The following RALGPS2 variants were observed in gnomAD, a reference collection of about 807,000 sequenced individuals.
RALGPS2 encodes the protein Ral GEF with PH domain and SH3 binding motif 2, also known as ras-specific guanine nucleotide-releasing factor RalGPS2.
In RALGPS2, 43 loss-of-function variants were observed where a neutral mutation model predicts 86.8. The observed-to-expected ratio is 0.50, with a 90% CI of 0.39 to 0.64. The LOEUF is 0.64. Among genes scored for constraint, RALGPS2 ranks in the 30% least tolerant of loss-of-function variants. RALGPS2 has a pLI of 0.00. For synonymous variants in RALGPS2, 243 were observed against 231.3 expected (o/e 1.05, Z -0.46); for missense variants, 536 against 694.6 (o/e 0.77, Z 2.57).
chr1:178,810,015 G>A (rs1235658240), intron 5 of RALGPS2, among the ~76,000 whole-genome samples: 1 of 151,972 alleles, frequency 6.6e-6, no homozygotes, highest in Admixed American at 6.6e-5. Flanking sequence ...GGGCGGCTGA[G>A]ACAGGAGGAT....
intron 1 of RALGPS2, among the ~76,000 whole-genome samples, chr1:178,766,488 C>T (rs1443258380): frequency 1.3e-5 from 2 of 151,984 alleles, no homozygotes. Context: ...CTCAGCCTCT[C>T]AAAGTGCTGG....
intron 4 of RALGPS2, among the ~76,000 whole-genome samples, chr1:178,805,167 T>C (rs1654681564): frequency 6.7e-6 from 1 of 150,174 alleles, no homozygotes; most frequent in Admixed American, 6.6e-5. Flanking sequence ...CATTGTAGAT[T>C]CTGGATATTA....
intron 16 of RALGPS2, 53 bp downstream of exon 16, chr1:178,894,077 A>G (rs1435005502): frequency 2.8e-6 from 3 of 1,066,062 alleles, no homozygotes; most frequent in Non-Finnish European, 2.8e-6. Context: ...ATGCAAATTT[A>G]TAAGACTCTG....
At chr1:178,839,128 C>T (rs1373185272) in intron 8 of RALGPS2, among the ~76,000 whole-genome samples, 2 of 152,168 alleles carry the variant, frequency 1.3e-5, no homozygotes, top group African/African-American at 4.8e-5. Flanking sequence ...CCTAGCAAGG[C>T]AGGCCAACAT....
chr1:178,876,301 A>G (rs1659002398), intron 8 of RALGPS2, among the ~76,000 whole-genome samples: 1 of 152,244 alleles, frequency 6.6e-6, no homozygotes. Flanking sequence ...ATTTTTTAAT[A>G]GAATATAAGT....
chr1:178,898,202 C>G (rs1660026868), intron 17 of RALGPS2, among the ~76,000 whole-genome samples: 1 of 152,010 alleles, frequency 6.6e-6, no homozygotes, highest in South Asian at 2.1e-4. Context: ...TCTTTTCACC[C>G]TGTAGAATTT....
intron 8 of RALGPS2, among the ~76,000 whole-genome samples, chr1:178,856,234 T>TATACAC (rs1368301659): frequency 3.1e-5 from 4 of 128,770 alleles, no homozygotes; most frequent in African/African-American, 1.3e-4. Flanking sequence ...TATATATATA[T>TATACAC]GGTTTTGGGT....
chr1:178,857,585 A>G (rs764539499), intron 8 of RALGPS2, among the ~76,000 whole-genome samples: 1 of 152,214 alleles, frequency 6.6e-6, no homozygotes, highest in Non-Finnish European at 1.5e-5. Flanking sequence ...ACCTATTAGT[A>G]TTATAGTTAA....
intron 8 of RALGPS2, chr1:178,849,748 AT>A (rs1362497217): frequency 6.6e-6 from 1 of 152,198 alleles, no homozygotes; most frequent in East Asian, 1.9e-4. Context: ...CAGAAGTTTT[AT>A]TTTGAGATGT....
At chr1:178,786,348 C>T (rs575437398) in intron 4 of RALGPS2, among the ~76,000 whole-genome samples, 7 of 152,020 alleles carry the variant, frequency 4.6e-5, no homozygotes, top group Non-Finnish European at 1.0e-4. Flanking sequence ...CTGGGTTTCA[C>T]CACTAACTCT....
In RALGPS2 at chr1:178,759,219, C is replaced by A. The variant is rs112181097; in HGVS notation, c.-83-17463C>A. Among the ~76,000 whole-genome samples the A allele has an allele frequency of 4.9e-3, 751 of 152,244 alleles. 7 individuals carry two copies. The highest frequency in any genetic ancestry group is 0.016 in the African/African-American group (682 of 41,556). On this transcript the variant is annotated intron_variant, in intron 1 of 19. Transcript: ENST00000367635. ...ATTGTTTCAGGTCTTCGATTTAAGT[C>A]TGTAATCCATTTTGGTTTGATTTTT...
intron 4 of RALGPS2, among the ~76,000 whole-genome samples, chr1:178,788,851 T>C (rs896186270): frequency 1.3e-4 from 8 of 63,374 alleles, no homozygotes; most frequent in African/African-American, 5.0e-4. Context: ...CTTTCTTTTC[T>C]TTTCTTTTCT....
At chr1:178,747,901 C>T (rs1265865991) in intron 1 of RALGPS2, 2 of 541,420 alleles carry the variant, frequency 3.7e-6, no homozygotes, top group Admixed American at 3.1e-5. Flanking sequence ...ACTAGCACTA[C>T]CTATCTAAAA....
intron 8 of RALGPS2, among the ~76,000 whole-genome samples, chr1:178,877,063 T>TC (rs2102362978): frequency 6.6e-6 from 1 of 152,290 alleles, no homozygotes; most frequent in East Asian, 1.9e-4. Flanking sequence ...ATTAATATCT[T>TC]CAAGTTGTAA....
At chr1:178,763,418 T>A (rs796864050) in intron 1 of RALGPS2, among the ~76,000 whole-genome samples, 11 of 152,382 alleles carry the variant, frequency 7.2e-5, no homozygotes, top group African/African-American at 2.6e-4. Context: ...CCATTGAATC[T>A]TTAGATTGCT....
At chr1:178,743,154 G>A (rs1237835940) in intron 1 of RALGPS2, among the ~76,000 whole-genome samples, 1 of 152,170 alleles carries the variant, frequency 6.6e-6, no homozygotes, top group Non-Finnish European at 1.5e-5. Flanking sequence ...TGAGGCCAGT[G>A]AGCTATGATT....
chr1:178,817,349 A>T (rs1445818799), intron 6 of RALGPS2, among the ~76,000 whole-genome samples: 11 of 650 alleles, frequency 0.017, no homozygotes, highest in Middle Eastern at 0.5. Flanking sequence ...TCAATTTAAA[A>T]AAAAAAAAAA....
intron 1 of RALGPS2, among the ~76,000 whole-genome samples, chr1:178,768,308 G>A (rs1455500708): frequency 6.6e-6 from 1 of 152,110 alleles, no homozygotes; most frequent in Non-Finnish European, 1.5e-5. Context: ...GGAGACATTG[G>A]CACTTCAATT....
intron 6 of RALGPS2, among the ~76,000 whole-genome samples, 164 bp from the exon 7 acceptor site, chr1:178,821,448 T>C (rs2275099): frequency 0.47 from 71,405 of 152,048 alleles, 18,169 homozygotes; most frequent in African/African-American, 0.66. Context: ...TGCACCAAAA[T>C]AACTTAGTGT....
Sources: gnomAD v4.1 joint callset for allele counts (sites outside exome capture counted in the v4.1 genomes callset) on GRCh38, gnomAD v4.1.1 for gene constraint, MANE v1.5 for transcripts, NCBI Gene and HGNC (gene_info 2026-07-23, HGNC 2026-07-21) for gene names.